QKI: variants seen among roughly 807,000 people sequenced by gnomAD.
The protein encoded by QKI is KH domain-containing RNA-binding protein QKI.
QKI carries 10 observed loss-of-function variants against 39.0 expected under a neutral mutation model. The ratio of observed to expected loss-of-function variants is 0.26; its 90% CI spans 0.16 to 0.43. The LOEUF (loss-of-function observed/expected upper bound fraction) is 0.43, where lower values mean the gene tolerates loss of function less well. Among genes scored for constraint, QKI ranks in the 20% least tolerant of loss-of-function variants. The pLI is 1.00. For missense variants in QKI, 218 were observed against 428.0 expected (o/e 0.51, Z 4.33); for synonymous variants, 204 against 155.4 (o/e 1.31, Z -2.33).
chr6:163,455,743 A>G (rs1410057140), intron 2 of QKI, among the ~76,000 whole-genome samples: 1 of 152,220 alleles, frequency 6.6e-6, no homozygotes, highest in Non-Finnish European at 1.5e-5. Context: ...CTGACCTTCA[A>G]GAAGCCACAG....
At chr6:163,570,201 C>A in intron 7 of QKI, 3 of 984,166 alleles carry the variant, frequency 3.0e-6, no homozygotes, top group Non-Finnish European at 3.6e-6. Flanking sequence ...TTTTGAATTT[C>A]TTTAGATTCA....
intron 6 of QKI, chr6:163,564,148 G>A (rs945892429): frequency 1.5e-5 from 15 of 1,021,846 alleles, no homozygotes; most frequent in East Asian, 9.2e-5. Context: ...TAGTCTGAGC[G>A]CTTTATAAAA....
At chr6:163,430,290 CTG>C (rs1240790724) in intron 1 of QKI, among the ~76,000 whole-genome samples, 1 of 152,116 alleles carries the variant, frequency 6.6e-6, no homozygotes, top group Non-Finnish European at 1.5e-5. Context: ...TGGTAGATTG[CTG>C]TGATTGCTGC....
intron 3 of QKI, among the ~76,000 whole-genome samples, chr6:163,522,420 G>A (rs1307410682): frequency 3.9e-5 from 6 of 152,136 alleles, no homozygotes. Context: ...ACTGAAATAA[G>A]ACTGGCATTT....
At chr6:163,535,439 T>C (rs1182261763) in intron 4 of QKI, among the ~76,000 whole-genome samples, 3 of 152,076 alleles carry the variant, frequency 2.0e-5, no homozygotes, top group Non-Finnish European at 4.4e-5. Context: ...CTCTTCCCTC[T>C]GCCCCCCTTC....
At chr6:163,438,975 A>G (rs1476914468) in intron 1 of QKI, among the ~76,000 whole-genome samples, 4 of 152,310 alleles carry the variant, frequency 2.6e-5, no homozygotes, top group East Asian at 3.9e-4. Flanking sequence ...TCCTTATTCT[A>G]TAAGCTCTTT....
rs556536710 is a variant in QKI, at chr6:163,486,295, T to C, written c.402+7399T>C. 2.6e-5 allele frequency among the ~76,000 whole-genome samples: 4 copies of C among 152,354 alleles called. No individual in the cohort carries two copies. The South Asian group carries it at 8.3e-4, about 32-fold the overall frequency. ...TGTGGGCTTTGAAATAAATTGGTAA[T>C]AGTTTTTAACTTAATATTTGTTTCC... On this transcript the variant is annotated intron_variant, in intron 3 of 7. Coordinates refer to ENST00000361752, the MANE Select transcript of QKI (RefSeq NM_006775.3).
chr6:163,440,601 A>C (rs1246040060), intron 1 of QKI, among the ~76,000 whole-genome samples: 1 of 152,218 alleles, frequency 6.6e-6, no homozygotes, highest in Admixed American at 6.5e-5. Context: ...AAGTTATATG[A>C]TGAGATGTAG....
Position 163,550,009 on chromosome 6 carries a change from G to A in QKI, c.547-11973G>A, listed in dbSNP as rs141914383. On this transcript the variant is annotated intron_variant, in intron 4 of 7. Coordinates refer to ENST00000361752, the MANE Select transcript of QKI (RefSeq NM_006775.3). ...TTCTTCAGTAAATGAAGCTTTGACC[G>A]TGCAGTCAAATCCATTAAAAGTTCT... Among the ~76,000 whole-genome samples the A allele has an allele frequency of 4.5e-4, 69 of 152,244 alleles. 2 individuals carry two copies. In the East Asian group the frequency reaches 0.011, roughly 23 times the overall value.
At chr6:163,486,499 A>G (rs939094769) in intron 3 of QKI, among the ~76,000 whole-genome samples, 1 of 152,202 alleles carries the variant, frequency 6.6e-6, no homozygotes, top group Admixed American at 6.5e-5. Flanking sequence ...AGAGCATTTA[A>G]TAACTTCTTT....
chr6:163,567,044 C>G (rs563628485), intron 7 of QKI: 1 of 1,115,208 alleles, frequency 9.0e-7, no homozygotes, highest in East Asian at 5.4e-5. Context: ...CCTACTAAAA[C>G]ATAAATTAGT....
At chr6:163,495,398 C>T (rs1045460332) in intron 3 of QKI, among the ~76,000 whole-genome samples, 3 of 151,958 alleles carry the variant, frequency 2.0e-5, no homozygotes, top group Admixed American at 1.3e-4. Flanking sequence ...TGTGAGCATG[C>T]GCGTGTGTGT....
rs1489259995 is a variant in QKI, at chr6:163,535,008, T to C, written c.429T>C (p.Asn143=). ...AGGAGCAAAATAGAGGCAAGCCCAATTGGGAGCATCTAAATGAAGATTTAC... is the reference window on the plus strand; with the variant it reads ...AGGAGCAAAATAGAGGCAAGCCCAACTGGGAGCATCTAAATGAAGATTTAC... ...KKEEQNRGKP[N]WEHLNEDLHV... The change falls in exon 4 of 8, where the codon AAT becomes AAC. Residue 143 remains asparagine (N), a synonymous_variant. Transcript: ENST00000361752. The C allele has an allele frequency of 1.2e-5, 19 of 1,610,050 alleles. No homozygotes were observed. Among genetic ancestry groups the C allele is most frequent in the Non-Finnish European group, 1.5e-5 (18 of 1,178,348 alleles).
chr6:163,512,622 A>G (rs1208848735), intron 3 of QKI, among the ~76,000 whole-genome samples: 1 of 152,144 alleles, frequency 6.6e-6, no homozygotes, highest in African/African-American at 2.4e-5. Context: ...GGTCTGAACT[A>G]CACAAGTAGC....
At chr6:163,517,878 T>A (rs559746187) in intron 3 of QKI, among the ~76,000 whole-genome samples, 11 of 152,204 alleles carry the variant, frequency 7.2e-5, no homozygotes, top group Non-Finnish European at 1.5e-4. Flanking sequence ...TTAGGTGTTA[T>A]TAGATGATAC....
intron 3 of QKI, among the ~76,000 whole-genome samples, chr6:163,532,860 G>T (rs934381251): frequency 1.3e-5 from 2 of 152,142 alleles, no homozygotes; most frequent in Admixed American, 1.3e-4. Context: ...GAGTTGTCTG[G>T]AGACTCTCAA....
At chr6:163,432,966 G>C (rs1788953421) in intron 1 of QKI, among the ~76,000 whole-genome samples, 1 of 152,188 alleles carries the variant, frequency 6.6e-6, no homozygotes, top group Non-Finnish European at 1.5e-5. Context: ...AGTGAGTAGA[G>C]AGATAAATGA....
chr6:163,570,762 C>T lies in QKI; in HGVS notation c.*52C>T. 1 of 1,605,348 alleles carries T rather than the reference C, an allele frequency of 6.2e-7. No homozygotes were observed. The highest frequency in any genetic ancestry group is 1.1e-5 in the South Asian group (1 of 89,306). ...TTCACCCAATGATGACCTGACCATG[C>T]CTGCCTGCTGATCAGTTAACTGGTA... On this transcript the variant is annotated 3_prime_UTR_variant, in exon 8 of 8. Coordinates refer to ENST00000361752, the MANE Select transcript of QKI (RefSeq NM_006775.3).
Position 163,525,097 on chromosome 6 carries a change from ATTGTT to A in QKI, c.403-9876_403-9872del, listed in dbSNP as rs201369040. 5.7e-3 allele frequency among the ~76,000 whole-genome samples: 861 copies of A among 152,212 alleles called. 10 individuals are homozygous for A. Among genetic ancestry groups the A allele is most frequent in the African/African-American group, 0.019 (799 of 41,526 alleles). Reference sequence around the variant, plus strand: ...TCGCATTTTAAAAATCTTATTAACAATTGTTTTGTTTTGAATCTCTGGGATTTATA... The same window carrying A: ...TCGCATTTTAAAAATCTTATTAACAATTGTTTTGAATCTCTGGGATTTATA... On this transcript the variant is annotated intron_variant, in intron 3 of 7. Coordinates refer to ENST00000361752, the MANE Select transcript of QKI (RefSeq NM_006775.3).
Sources: gnomAD v4.1 joint callset for allele counts (sites outside exome capture counted in the v4.1 genomes callset) on GRCh38, gnomAD v4.1.1 for gene constraint, MANE v1.5 for transcripts, NCBI Gene and HGNC (gene_info 2026-07-23, HGNC 2026-07-21) for gene names.